Variants in TAF5L observed in about 807,000 individuals in gnomAD.
TAF5L encodes TATA-box binding protein associated factor 5 like, also known as TAF5-like RNA polymerase II p300/CBP-associated factor-associated factor 65 kDa subunit 5L.
TAF5L carries 7 observed loss-of-function variants against 51.3 expected under a neutral mutation model. The observed-to-expected ratio is 0.14, with a 90% confidence interval of 0.08 to 0.26. The LOEUF (loss-of-function observed/expected upper bound fraction) is 0.26. Among genes scored for constraint, TAF5L ranks in the 10% least tolerant of loss-of-function variants. The probability of loss-of-function intolerance (pLI) is 1.00; values close to 1 mark genes in which losing one functional copy is unlikely to be tolerated. For synonymous variants in TAF5L, 291 were observed against 308.1 expected, an observed-to-expected ratio of 0.94 and a Z score of 0.58; for missense variants, 575 against 758.9, an observed-to-expected ratio of 0.76 and a Z score of 2.85.
chr1:229,595,654 T>C (rs1664094334), intron 4 of TAF5L, among the ~76,000 whole-genome samples: 1 of 152,168 alleles, frequency 6.6e-6, no homozygotes, highest in South Asian at 2.1e-4. Context: ...TGAAGGCAGA[T>C]GTGGTATCAC....
intron 3 of TAF5L, chr1:229,607,048 T>C (rs1664621717): frequency 2.0e-6 from 2 of 985,344 alleles, no homozygotes; most frequent in African/African-American, 3.5e-5. Context: ...AATCCTAGCC[T>C]CAAATTTCCC....
At chr1:229,606,421 G>C (rs1223721378) in intron 3 of TAF5L, 1 of 984,866 alleles carries the variant, frequency 1.0e-6, no homozygotes, top group Admixed American at 6.2e-5. Context: ...TGCCTACCTG[G>C]TGCCCAACTC....
chr1:229,601,377 A>G, intron 4 of TAF5L: 4 of 985,440 alleles, frequency 4.1e-6, no homozygotes, highest in Non-Finnish European at 4.8e-6. Flanking sequence ...CAGTGGTGAT[A>G]AGACAAAAAT....
In TAF5L at chr1:229,614,668, T is replaced by C. The variant is rs753848788; in HGVS notation, c.-3-183A>G. Among the ~76,000 whole-genome samples, 49 of 152,214 alleles carry C rather than the reference T, an allele frequency of 3.2e-4. 1 individual carries two copies. Among genetic ancestry groups the C allele is most frequent in the Admixed American group, 8.5e-4 (13 of 15,278 alleles). On this transcript the variant is annotated intron_variant, in intron 1 of 4. Transcript: ENST00000258281. Reference sequence around the variant, plus strand: ...CAACGTGGTATACTCTTCCATTTTGTCTGTTTCTCCAATGACAATACAGCC... The same window carrying C: ...CAACGTGGTATACTCTTCCATTTTGCCTGTTTCTCCAATGACAATACAGCC...
Position 229,624,585 on chromosome 1 carries a change from A to T in TAF5L, c.-4+1300T>A, listed in dbSNP as rs780845299. 4.1e-5 allele frequency among the ~76,000 whole-genome samples: 6 copies of T among 145,744 alleles called. No individual in the cohort carries two copies. The South Asian group carries it at 6.8e-4, about 17-fold the overall frequency. On this transcript the variant is annotated intron_variant, in intron 1 of 4. Transcript: ENST00000258281. ...TTGAGCCCAGGCCTGGGCAACATAG[A>T]GGCACCCTGTCTCTTAAAGATAAAA...
At position 229,602,418 on chromosome 1, in the gene TAF5L, T is replaced by C. The variant is rs1558146506; in HGVS notation, c.749A>G (p.Lys250Arg). 6.2e-7 allele frequency: 1 copy of C among 1,614,056 alleles called. No individual in the cohort carries two copies. Among genetic ancestry groups the C allele is most frequent in the African/African-American group, 1.3e-5 (1 of 74,922 alleles). ...GGTAGTGAGGGAGGGAGGCCCATCC[T>C]TGACTCGCTTAATGCTCTCCTGTAA... The change falls in exon 4 of 5, where the codon AAG becomes AGG. Residue 250 changes from lysine to arginine, a missense_variant. Physicochemically the swap from Lys to Arg is conservative, Grantham distance 26 (BLOSUM62 2). Coordinates refer to ENST00000258281, the Ensembl canonical transcript of TAF5L. The surrounding 1 kb of genome is among the most constrained non-coding windows in gnomAD (Gnocchi z 4.6).
In TAF5L at chr1:229,620,970, G is replaced by GTT. The variant is rs761181582; in HGVS notation, c.-4+4914_-4+4915insAA. 2.8e-3 allele frequency among the ~76,000 whole-genome samples: 425 copies of GTT among 152,084 alleles called. 1 individual carries two copies. The highest frequency in any genetic ancestry group is 5.1e-3 in the Non-Finnish European group (344 of 67,910). On this transcript the variant is annotated intron_variant, in intron 1 of 4. Coordinates refer to ENST00000258281, the Ensembl canonical transcript of TAF5L. Reference sequence around the variant, plus strand: ...TTAAAACATTTATGTGTGTGTGTGTGTGTGTGTGTGTGTCTCAAAGTGGAT... The same window carrying GTT: ...TTAAAACATTTATGTGTGTGTGTGTGTTTGTGTGTGTGTGTCTCAAAGTGGAT...
In TAF5L at chr1:229,604,732, A is replaced by C. The variant is rs2166159; in HGVS notation, c.248-1813T>G. Among the ~76,000 whole-genome samples, 459 of 152,316 alleles carry C rather than the reference A, an allele frequency of 3.0e-3. 3 individuals carry two copies. Among genetic ancestry groups the C allele is most frequent in the African/African-American group, 0.01 (434 of 41,576 alleles). On this transcript the variant is annotated intron_variant, in intron 3 of 4. Coordinates refer to ENST00000258281, the Ensembl canonical transcript of TAF5L. ...CACGATCAGCTTGCGAGATGAGTGC[A>C]AAGGGAATACAGAATGGGTAGTGGA...
chr1:229,620,937 ACG>A (rs1256038639), intron 1 of TAF5L, among the ~76,000 whole-genome samples: 2 of 148,846 alleles, frequency 1.3e-5, no homozygotes, highest in Non-Finnish European at 3.0e-5. Flanking sequence ...GGATTTGAAG[ACG>A]CTTCATTAAA....
chr1:229,619,896 C>T (rs897680087), intron 1 of TAF5L, among the ~76,000 whole-genome samples: 3 of 152,190 alleles, frequency 2.0e-5, no homozygotes, highest in African/African-American at 7.2e-5. Context: ...ACCACACCAC[C>T]ATGCAAGACT....
At chr1:229,619,625 A>G (rs1027251523) in intron 1 of TAF5L, among the ~76,000 whole-genome samples, 1 of 152,134 alleles carries the variant, frequency 6.6e-6, no homozygotes, top group Non-Finnish European at 1.5e-5. Context: ...CACCTACGCT[A>G]TTCTAAACCT....
At chr1:229,620,202 CTGTT>C (rs1665154270) in intron 1 of TAF5L, among the ~76,000 whole-genome samples, 1 of 152,028 alleles carries the variant, frequency 6.6e-6, no homozygotes, top group Non-Finnish European at 1.5e-5. Flanking sequence ...CCCATCTTGA[CTGTT>C]TGCTATTTGA....
intron 2 of TAF5L, 45 bp downstream of exon 2, chr1:229,614,296 T>C: frequency 6.2e-7 from 1 of 1,614,112 alleles, no homozygotes; most frequent in Non-Finnish European, 8.5e-7. Context: ...TGACGTGAGT[T>C]CTCCTGCTCC....
At chr1:229,598,395 T>G (rs1280255234) in intron 4 of TAF5L, among the ~76,000 whole-genome samples, 4 of 152,214 alleles carry the variant, frequency 2.6e-5, no homozygotes, top group African/African-American at 7.2e-5. Context: ...TAAATGACAA[T>G]TTGATACACA....
chr1:229,618,004 A>G (rs751712870), intron 1 of TAF5L, among the ~76,000 whole-genome samples: 4 of 152,156 alleles, frequency 2.6e-5, no homozygotes, highest in Admixed American at 1.3e-4. Context: ...GACCCAATCA[A>G]CTCAGCTGGG....
At chr1:229,613,970 G>C (rs1445303834) in intron 2 of TAF5L, among the ~76,000 whole-genome samples, 1 of 152,210 alleles carries the variant, frequency 6.6e-6, no homozygotes, top group Admixed American at 6.5e-5. Flanking sequence ...TGCTGGAGGA[G>C]AGGGGACCTG....
intron 1 of TAF5L, among the ~76,000 whole-genome samples, chr1:229,615,333 C>T (rs544197355): frequency 8.5e-5 from 13 of 152,202 alleles, no homozygotes; most frequent in East Asian, 5.8e-4. Flanking sequence ...GTGATCTGCC[C>T]GGCTTGGCCT....
At chr1:229,599,848 G>A in intron 4 of TAF5L, 1 of 985,432 alleles carries the variant, frequency 1.0e-6, no homozygotes. Flanking sequence ...TAGAAATACT[G>A]TATTCACTGA....
intron 3 of TAF5L, chr1:229,607,802 A>G (rs1664649189): frequency 6.6e-6 from 1 of 152,226 alleles, no homozygotes; most frequent in Non-Finnish European, 1.5e-5. Context: ...GGAAATAACT[A>G]TTCATTTGAT....
Sources: gnomAD v4.1 joint callset for allele counts (sites outside exome capture counted in the v4.1 genomes callset) on GRCh38, gnomAD v4.1.1 for gene constraint, Gnocchi (gnomAD v3.1) non-coding constraint, MANE v1.5 for transcripts, NCBI Gene and HGNC (gene_info 2026-07-23, HGNC 2026-07-21) for gene names.